RIMKLB: variants seen among roughly 807,000 people sequenced by gnomAD.
RIMKLB encodes ribosomal modification protein rimK like family member B, also known as beta-citrylglutamate synthase B.
Under a neutral mutation model 32.0 loss-of-function variants are expected in RIMKLB, and 7 were observed. The ratio of observed to expected loss-of-function variants is 0.22; its 90% CI spans 0.12 to 0.41. The LOEUF (loss-of-function observed/expected upper bound fraction) is 0.41, where lower values mean the gene tolerates loss of function less well. Ranked by LOEUF, RIMKLB falls within the 10% of genes least tolerant of loss-of-function variation. RIMKLB has a pLI of 1.00. For missense variants in RIMKLB, 289 were observed against 498.7 expected (o/e 0.58, Z 4.00); for synonymous variants, 172 against 185.1 (o/e 0.93, Z 0.57).
intron 2 of RIMKLB, among the ~76,000 whole-genome samples, chr12:8,737,001 C>T (rs751388066): frequency 8.6e-4 from 130 of 151,336 alleles, no homozygotes; most frequent in African/African-American, 2.9e-3. Context: ...TTAGTAGAGA[C>T]GGGGTTTCAC....
intron 3 of RIMKLB, among the ~76,000 whole-genome samples, chr12:8,751,080 GAA>G (rs1421709286): frequency 6.6e-6 from 1 of 152,216 alleles, no homozygotes; most frequent in African/African-American, 2.4e-5. Flanking sequence ...AATTGCATAA[GAA>G]GAGACAGAAT....
At chr12:8,713,545 C>A (rs1467083254) in intron 1 of RIMKLB, among the ~76,000 whole-genome samples, 1 of 152,180 alleles carries the variant, frequency 6.6e-6, no homozygotes, top group Non-Finnish European at 1.5e-5. Context: ...TTTAAACTTT[C>A]TGCTAAGTGA....
chr12:8,678,218 G>A (rs139210853), upstream of RIMKLB, among the ~76,000 whole-genome samples: 1 of 151,644 alleles, frequency 6.6e-6, no homozygotes, highest in African/African-American at 2.4e-5. Context: ...GTCCCACTAT[G>A]TTACCCAGGC....
At chr12:8,711,960 C>T (rs931889005) in intron 1 of RIMKLB, among the ~76,000 whole-genome samples, 3 of 152,176 alleles carry the variant, frequency 2.0e-5, no homozygotes, top group Non-Finnish European at 4.4e-5. Context: ...GTTGAATTGA[C>T]AGTGCAGGTT....
the RIMKLB span, among the ~76,000 whole-genome samples, chr12:8,672,563 A>G: frequency 6.6e-6 from 1 of 151,888 alleles, no homozygotes; most frequent in African/African-American, 2.4e-5. Flanking sequence ...ATCAGATCTC[A>G]TGAGACTTAA....
intron 2 of RIMKLB, among the ~76,000 whole-genome samples, chr12:8,728,802 T>C (rs1403239513): frequency 6.6e-6 from 1 of 151,920 alleles, no homozygotes; most frequent in Non-Finnish European, 1.5e-5. Flanking sequence ...TGTTTGTTTG[T>C]TTGTTTGTTT....
At chr12:8,759,098 A>G (rs575839740) in intron 5 of RIMKLB, among the ~76,000 whole-genome samples, 2 of 152,280 alleles carry the variant, frequency 1.3e-5, no homozygotes, top group Non-Finnish European at 2.9e-5. Context: ...AACAAAATAC[A>G]TATTTAAAAA....
chr12:8,737,864 G>A (rs1456324908), intron 2 of RIMKLB, among the ~76,000 whole-genome samples: 3 of 152,038 alleles, frequency 2.0e-5, no homozygotes, highest in Non-Finnish European at 2.9e-5. Flanking sequence ...ACAGGCATGC[G>A]CCACCACGCC....
intron 2 of RIMKLB, among the ~76,000 whole-genome samples, chr12:8,721,567 C>T (rs1345709999): frequency 6.6e-6 from 1 of 152,076 alleles, no homozygotes; most frequent in Non-Finnish European, 1.5e-5. Flanking sequence ...AGTTTAATCC[C>T]GTCTCAGGCT....
intron 1 of RIMKLB, among the ~76,000 whole-genome samples, chr12:8,712,429 T>TAAAA (rs1944453047): frequency 6.6e-6 from 1 of 152,160 alleles, no homozygotes; most frequent in African/African-American, 2.4e-5. Context: ...AATAAATAAA[T>TAAAA]AAAAATAAAA....
chr12:8,752,802 G>T (rs930942863), intron 4 of RIMKLB, among the ~76,000 whole-genome samples: 1 of 151,416 alleles, frequency 6.6e-6, no homozygotes, highest in Non-Finnish European at 1.5e-5. Context: ...GTGCAGTGGC[G>T]TGATTTCAGC....
At chr12:8,696,521 CTTA>C (rs1942894205), upstream of RIMKLB, among the ~76,000 whole-genome samples, 1 of 152,166 alleles carries the variant, frequency 6.6e-6, no homozygotes, top group Non-Finnish European at 1.5e-5. Flanking sequence ...ATATTATATA[CTTA>C]TTAACTCATT....
chr12:8,699,568 C>A (rs1405756690), intron 1 of RIMKLB, among the ~76,000 whole-genome samples: 1 of 151,952 alleles, frequency 6.6e-6, no homozygotes, highest in Non-Finnish European at 1.5e-5. Flanking sequence ...ATTTCTTTTC[C>A]AATGGTTACT....
intron 2 of RIMKLB, among the ~76,000 whole-genome samples, chr12:8,726,514 G>T (rs1946021838): frequency 6.6e-6 from 1 of 151,986 alleles, no homozygotes; most frequent in Admixed American, 6.6e-5. Context: ...TAATACAGCT[G>T]TTTTTCTACA....
chr12:8,763,576 C>T (rs1949709754), intron 5 of RIMKLB, among the ~76,000 whole-genome samples: 1 of 152,336 alleles, frequency 6.6e-6, no homozygotes, highest in African/African-American at 2.4e-5. Flanking sequence ...CCTCGCTGAG[C>T]GCCTTGGTGC....
At chr12:8,671,513 G>A in the RIMKLB span, among the ~76,000 whole-genome samples, 6 of 152,244 alleles carry the variant, frequency 3.9e-5, no homozygotes, top group East Asian at 1.9e-4. Context: ...GCCTTCCAGC[G>A]TGCTGGGATT....
At chr12:8,699,795 C>T (rs925805398) in intron 1 of RIMKLB, 1 of 152,242 alleles carries the variant, frequency 6.6e-6, no homozygotes, top group Non-Finnish European at 1.5e-5. Flanking sequence ...GTGCTGGAGT[C>T]TGCTTGTCAG....
intron 1 of RIMKLB, among the ~76,000 whole-genome samples, chr12:8,683,167 G>C (rs2136528242): frequency 6.6e-6 from 1 of 152,122 alleles, no homozygotes; most frequent in East Asian, 1.9e-4. Context: ...TCTACTGAAG[G>C]ACGTCTTGAT....
chr12:8,713,762 A>T, intron 1 of RIMKLB, 49 bp from the exon 2 acceptor site: 1 of 1,104,388 alleles, frequency 9.1e-7, no homozygotes, highest in Non-Finnish European at 1.4e-6. Flanking sequence ...TCCAGAAATC[A>T]AGTAGATTTC....
Sources: gnomAD v4.1 joint callset for allele counts (sites outside exome capture counted in the v4.1 genomes callset) on GRCh38, gnomAD v4.1.1 for gene constraint, MANE v1.5 for transcripts, NCBI Gene and HGNC (gene_info 2026-07-23, HGNC 2026-07-21) for gene names.